The following CATSPERD variants were observed in gnomAD, a reference collection of about 807,000 sequenced individuals.
The protein encoded by CATSPERD is cation channel sperm-associated auxiliary subunit delta.
In CATSPERD, 86 loss-of-function variants were observed where a neutral mutation model predicts 98.1. The observed-to-expected ratio is 0.88, with a 90% CI of 0.74 to 1.05. The LOEUF (loss-of-function observed/expected upper bound fraction) is 1.05. Among genes scored for constraint, CATSPERD ranks in the 50% least tolerant of loss-of-function variants. The probability of loss-of-function intolerance (pLI) is 0.00; values close to 1 mark genes in which losing one functional copy is unlikely to be tolerated. For missense variants in CATSPERD, 995 were observed against 1,005.7 expected, an observed-to-expected ratio of 0.99 and a Z score of 0.14; for synonymous variants, 394 against 390.2, an observed-to-expected ratio of 1.01 and a Z score of -0.12.
At chr19:5,728,196 A>G (rs1011392849) in intron 3 of CATSPERD, among the ~76,000 whole-genome samples, 9 of 151,544 alleles carry the variant, frequency 5.9e-5, no homozygotes, top group Admixed American at 2.6e-4. Context: ...CGTCTCTACT[A>G]AAAATACAAA....
At chr19:5,746,972 G>A (rs1253701034) in intron 9 of CATSPERD, among the ~76,000 whole-genome samples, 1 of 150,518 alleles carries the variant, frequency 6.6e-6, no homozygotes, top group Non-Finnish European at 1.5e-5. Flanking sequence ...AGCCTCCCAA[G>A]TAGCTGGCTA....
intron 5 of CATSPERD, among the ~76,000 whole-genome samples, chr19:5,734,181 C>A (rs765183824): frequency 1.4e-4 from 21 of 152,172 alleles, no homozygotes; most frequent in Non-Finnish European, 2.4e-4. Flanking sequence ...TCACAAGCCA[C>A]AAAAGCTACT....
chr19:5,776,122 A>G (rs372873638), intron 20 of CATSPERD, 39 bp from the exon 21 acceptor site: 93 of 1,602,898 alleles, frequency 5.8e-5, no homozygotes, highest in Non-Finnish European at 6.7e-5. Flanking sequence ...CCCCCTCCCC[A>G]GTCCCTAGGG....
chr19:5,758,408 C>A (rs1299417796), intron 14 of CATSPERD, among the ~76,000 whole-genome samples: 1 of 152,040 alleles, frequency 6.6e-6, no homozygotes, highest in East Asian at 1.9e-4. Flanking sequence ...CTTCCAGAAG[C>A]CTTTCACAGG....
chr19:5,765,935 G>T (rs1011767161), intron 16 of CATSPERD, among the ~76,000 whole-genome samples, 168 bp from the exon 17 acceptor site: 2 of 152,058 alleles, frequency 1.3e-5, no homozygotes, highest in Non-Finnish European at 2.9e-5. Flanking sequence ...AGCTCCGCGG[G>T]GCCAGCTGCA....
chr19:5,746,339 G>T (rs974620829), intron 9 of CATSPERD, among the ~76,000 whole-genome samples: 9 of 152,138 alleles, frequency 5.9e-5, no homozygotes, highest in Non-Finnish European at 1.5e-5. Context: ...GGTTTATTCC[G>T]CCAGCTTTAG....
chr19:5,778,508 C>T lies in CATSPERD; in HGVS notation c.2229C>T (p.Thr743=), dbSNP rs762747655. Residue 743 remains threonine (T), a synonymous_variant, in exon 22 of 22, where the codon ACC becomes ACT. Transcript: ENST00000381624. ...GGTCCGTTTGGCTGGCCTACAAGAC[C>T]CCCAAGCTGCTACGCACAGCACGCG... is the stretch of plus-strand genomic sequence containing the variant. ...ILGSVWLAYK[T]PKLLRTARGR... is the part of the protein sequence containing the mutation. The T allele has an allele frequency of 2.5e-6, 4 of 1,613,996 alleles. No homozygotes were observed. Among genetic ancestry groups the T allele is most frequent in the Non-Finnish European group, 3.4e-6 (4 of 1,180,000 alleles).
At chr19:5,761,145 T>C (rs538306741) in intron 15 of CATSPERD, among the ~76,000 whole-genome samples, 2 of 151,986 alleles carry the variant, frequency 1.3e-5, no homozygotes, top group Non-Finnish European at 2.9e-5. Flanking sequence ...CAAGCCATTC[T>C]CCTGCCTTAG....
rs769317730 is a variant in CATSPERD at position 5,739,366 on chromosome 19, A to G, written c.500A>G (p.Gln167Arg). The change falls in exon 7 of 22, where the codon CAG (glutamine) becomes CGG (arginine). Residue 167 changes from glutamine (Q) to arginine (R), a missense_variant. Gln to Arg is a conservative substitution (Grantham distance 43). Transcript: ENST00000381624. ...NLVFAYFRGD[Q>R]ISQTYIYYSN... ...GTTTTTGCATATTTCCGTGGAGATC[A>G]GATATCCCAGACTTATATATATTAT... 1 of 1,587,998 alleles carries G rather than the reference A, an allele frequency of 6.3e-7. No homozygotes were observed. The highest frequency in any genetic ancestry group is 1.9e-5 in the Admixed American group (1 of 53,918).
In CATSPERD at chr19:5,778,368, C is replaced by G. The variant is rs370586084; in HGVS notation, c.2097-8C>G. Reference sequence around the variant, plus strand: ...CCAACAGCCTCTCCCCGCCTCCCCCCACCGCAGCTACTGTCAACTGGAGAC... The same window carrying G: ...CCAACAGCCTCTCCCCGCCTCCCCCGACCGCAGCTACTGTCAACTGGAGAC... On this transcript the variant is annotated splice_region_variant and splice_polypyrimidine_tract_variant and intron_variant, in intron 21 of 21. Transcript: ENST00000381624. 1.6e-5 allele frequency: 26 copies of G among 1,594,688 alleles called. No homozygotes were observed. Among genetic ancestry groups the G allele is most frequent in the Middle Eastern group, 1.7e-4 (1 of 5,988 alleles).
chr19:5,768,097 T>C, intron 17 of CATSPERD, 71 bp from the exon 18 acceptor site: 1 of 1,419,190 alleles, frequency 7.0e-7, no homozygotes. Flanking sequence ...CCCCTCCCTT[T>C]CTGTCCCATC....
At chr19:5,765,685 G>T (rs560683891) in intron 16 of CATSPERD, among the ~76,000 whole-genome samples, 1 of 151,880 alleles carries the variant, frequency 6.6e-6, no homozygotes, top group Non-Finnish European at 1.5e-5. Context: ...GCTGGTAGGC[G>T]CCTGTAATCC....
intron 11 of CATSPERD, among the ~76,000 whole-genome samples, chr19:5,749,995 G>A (rs2145775068): frequency 6.6e-6 from 1 of 150,718 alleles, no homozygotes; most frequent in East Asian, 2.0e-4. Flanking sequence ...GTGGAGTCAG[G>A]GTTTCACCAT....
At chr19:5,768,542 TAG>T (rs2056586799) in intron 18 of CATSPERD, among the ~76,000 whole-genome samples, 1 of 151,872 alleles carries the variant, frequency 6.6e-6, no homozygotes. Context: ...TTCACTGTGT[TAG>T]CCAGGTTGGT....
Position 5,727,327 on chromosome 19 carries a change from T to C in CATSPERD, c.186T>C (p.Asn62=). The C allele has an allele frequency of 6.2e-7, 1 of 1,611,894 alleles. No individual in the cohort carries two copies. Among genetic ancestry groups the C allele is most frequent in the Non-Finnish European group, 8.5e-7 (1 of 1,178,040 alleles). Residue 62 remains asparagine (N), a synonymous_variant, in exon 3 of 22, where the codon AAT becomes AAC. Transcript: ENST00000381624. ...TRLIKHPCEK[N]IALYLGKQVF... ...TGATTAAACATCCTTGCGAGAAAAA[T>C]ATAGCACTATATCTAGGGTAAGTGG...
intron 7 of CATSPERD, among the ~76,000 whole-genome samples, chr19:5,741,796 G>GT (rs1171241927): frequency 2.2e-5 from 2 of 92,692 alleles, no homozygotes; most frequent in Non-Finnish European, 5.2e-5. Context: ...GGGGGGGGGG[G>GT]GGTGGTGTGG....
At chr19:5,726,664 G>A (rs1035951147) in intron 2 of CATSPERD, among the ~76,000 whole-genome samples, 2 of 151,974 alleles carry the variant, frequency 1.3e-5, no homozygotes, top group African/African-American at 2.4e-5. Flanking sequence ...TTACAGACGT[G>A]AGCCACCGCA....
intron 12 of CATSPERD, among the ~76,000 whole-genome samples, 155 bp downstream of exon 12, chr19:5,751,978 C>A (rs933605610): frequency 6.6e-6 from 1 of 152,062 alleles, no homozygotes; most frequent in Middle Eastern, 3.4e-3. Flanking sequence ...GCCTGGGCAA[C>A]ATACACCCAT....
intron 19 of CATSPERD, chr19:5,772,244 T>TTC: frequency 3.6e-6 from 1 of 278,170 alleles, no homozygotes; most frequent in Non-Finnish European, 6.8e-6. Flanking sequence ...TTTTTTTTTT[T>TTC]TGAGACAGAG....
Sources: allele counts gnomAD v4.1 joint callset (sites outside exome capture counted in the v4.1 genomes callset), GRCh38; gene constraint gnomAD v4.1.1; transcripts MANE v1.5; gene names NCBI Gene and HGNC (gene_info 2026-07-23, HGNC 2026-07-21).